CUBN: variants seen among roughly 807,000 people sequenced by gnomAD.
CUBN encodes 460 kDa receptor.
Under a neutral mutation model 405.3 loss-of-function variants are expected in CUBN, and 282 were observed. That is an observed-to-expected ratio of 0.70 (90% CI 0.63 to 0.77). CUBN has a LOEUF of 0.77. Ranked by LOEUF, CUBN falls within the 30% of genes least tolerant of loss-of-function variation. The probability of loss-of-function intolerance (pLI) is 0.00; values close to 1 mark genes in which losing one functional copy is unlikely to be tolerated. For missense variants in CUBN, 4,514 were observed against 4,475.2 expected (o/e 1.01, Z -0.25); for synonymous variants, 1,684 against 1,617.0 (o/e 1.04, Z -0.99).
At chr10:17,048,037 G>A (rs1170229576) in intron 22 of CUBN, among the ~76,000 whole-genome samples, 2 of 152,322 alleles carry the variant, frequency 1.3e-5, no homozygotes, top group African/African-American at 2.4e-5. Context: ...ACGGGGTGAA[G>A]AATAAGGGCC....
At chr10:16,978,271 C>T (rs1833155793) in intron 31 of CUBN, among the ~76,000 whole-genome samples, 1 of 152,170 alleles carries the variant, frequency 6.6e-6, no homozygotes, top group Non-Finnish European at 1.5e-5. Flanking sequence ...AAAGGCCCTG[C>T]AGGAAAAAAT....
At chr10:17,072,019 C>G (rs371337059) in intron 17 of CUBN, 48 bp from the exon 18 acceptor site, 116 of 1,494,204 alleles carry the variant, frequency 7.8e-5, no homozygotes, top group African/African-American at 3.2e-4. Flanking sequence ...AAGAAACTTA[C>G]GTCGGCAATG....
Position 17,068,263 on chromosome 10 carries a change from T to C in CUBN, c.2809A>G (p.Thr937Ala). 1 of 1,613,668 alleles carries C rather than the reference T, an allele frequency of 6.2e-7. No homozygotes were observed. The highest frequency in any genetic ancestry group is 8.5e-7 in the Non-Finnish European group (1 of 1,179,638). Reference protein sequence around the residue: ...AEDLACGEILTESTGTIQSPG... With the variant: ...AEDLACGEILAESTGTIQSPG... Reference sequence around the variant, plus strand: ...CTTTGAATGGTCCCTGTTGATTCTGTAAGAATTTCTCCACATGCTGTTGAA... The same window carrying C: ...CTTTGAATGGTCCCTGTTGATTCTGCAAGAATTTCTCCACATGCTGTTGAA... The change falls in exon 21 of 67, where the codon ACA becomes GCA. Residue 937 changes from threonine to alanine, a missense_variant. Coordinates refer to ENST00000377833, the MANE Select transcript of CUBN (RefSeq NM_001081.4).
At chr10:17,099,472 T>G (rs1261122179) in intron 14 of CUBN, among the ~76,000 whole-genome samples, 2 of 152,164 alleles carry the variant, frequency 1.3e-5, no homozygotes, top group African/African-American at 4.8e-5. Context: ...AGACTCATGT[T>G]TTTTAATCCC....
At chr10:16,869,425 A>T (rs1314467233) in intron 59 of CUBN, among the ~76,000 whole-genome samples, 1 of 151,910 alleles carries the variant, frequency 6.6e-6, no homozygotes, top group East Asian at 1.9e-4. Flanking sequence ...TCAACCTCCC[A>T]AAGTGCTGGG....
chr10:16,900,756 AT>A lies in CUBN; in HGVS notation c.8278del (p.Ile2760Ter). The A allele has an allele frequency of 6.2e-7, 1 of 1,614,074 alleles. No individual in the cohort carries two copies. Among genetic ancestry groups the A allele is most frequent in the Non-Finnish European group, 8.5e-7 (1 of 1,179,950 alleles). On this transcript the variant is annotated frameshift_variant, in exon 53 of 67. Coordinates refer to ENST00000377833, the MANE Select transcript of CUBN (RefSeq NM_001081.4). LOFTEE classifies it high-confidence loss of function. ...GTTTGAATTTCCACAGTATTGTCCT[AT>A]GATGGGTGATTCAGGGGACCCACCA... ...RNGGSPESPI[I>X]GQYCGNSNPR...
At chr10:16,908,930 C>T (rs1367048899) in intron 48 of CUBN, among the ~76,000 whole-genome samples, 1 of 139,890 alleles carries the variant, frequency 7.1e-6, no homozygotes, top group East Asian at 2.1e-4. Flanking sequence ...GGCGGGACTG[C>T]GGACTGCAGT....
rs184750323 is a variant in CUBN at position 16,869,740 on chromosome 10, C to A, written c.9350G>T (p.Arg3117Leu). 1 of 1,614,024 alleles carries A rather than the reference C, an allele frequency of 6.2e-7. No homozygotes were observed. Among genetic ancestry groups the A allele is most frequent in the African/African-American group, 1.3e-5 (1 of 75,016 alleles). ...PLLGKFCGSK[R>L]PPNVKSSNNS... is the part of the protein sequence containing the mutation. ...ATTGCTGCTCTTCACATTTGGTGGG[C>A]GCTTGGAACCGCAGAATTTGCCAAG... The change falls in exon 59 of 67, where the codon CGC (arginine) becomes CTC (leucine). Residue 3117 changes from arginine (R) to leucine (L), a missense_variant. Physicochemically the swap from Arg to Leu is moderately radical, Grantham distance 102 (BLOSUM62 -2). Transcript: ENST00000377833.
At chr10:16,882,006 G>A (rs1017895566) in intron 56 of CUBN, among the ~76,000 whole-genome samples, 1 of 152,168 alleles carries the variant, frequency 6.6e-6, no homozygotes, top group African/African-American at 2.4e-5. Flanking sequence ...ATCATTATTG[G>A]AAGAGCCAAT....
chr10:16,967,518 G>C (rs1564452262), intron 31 of CUBN, among the ~76,000 whole-genome samples: 1 of 152,166 alleles, frequency 6.6e-6, no homozygotes, highest in Non-Finnish European at 1.5e-5. Context: ...CTCAGCATTT[G>C]GTTGTTAATA....
At chr10:16,943,863 A>G (rs1842717450) in intron 36 of CUBN, among the ~76,000 whole-genome samples, 1 of 152,218 alleles carries the variant, frequency 6.6e-6, no homozygotes, top group South Asian at 2.1e-4. Context: ...CCAGTGCTAG[A>G]TGGCAGAAAA....
Position 17,071,929 on chromosome 10 carries a change from C to A in CUBN, c.2344G>T (p.Gly782Ter). The change falls in exon 18 of 67, where the codon GGA becomes TGA. Residue 782 changes from glycine (G) to a stop codon, truncating the protein, a stop_gained. Transcript: ENST00000377833. LOFTEE classifies it high-confidence loss of function. ...ETLLGKVCGN[G>*]TISHIKSITN... is the part of the protein sequence containing the mutation. ...ATGGATTTAATGTGAGAGATGGTTC[C>A]GTTGCCACAGACTTTTCCAAGTAAG... 1 of 1,613,016 alleles carries A rather than the reference C, an allele frequency of 6.2e-7. No individual in the cohort carries two copies. The highest frequency in any genetic ancestry group is 8.5e-7 in the Non-Finnish European group (1 of 1,179,586).
rs138659154 is a variant in CUBN at position 16,997,252 on chromosome 10, G to A, written c.4169-6737C>T. On this transcript the variant is annotated intron_variant, in intron 28 of 66. Transcript: ENST00000377833. ...AGATCGAGACCATCCTGGCAAACAT[G>A]GTGAAACCCTGTCTCTATTAAAAAT... Among the ~76,000 whole-genome samples the A allele has an allele frequency of 1.3e-3, 201 of 152,100 alleles. 2 individuals are homozygous for A. The highest frequency in any genetic ancestry group is 4.0e-3 in the African/African-American group (164 of 41,484).
At chr10:17,050,120 A>C (rs899490167) in intron 22 of CUBN, among the ~76,000 whole-genome samples, 3 of 151,812 alleles carry the variant, frequency 2.0e-5, no homozygotes, top group African/African-American at 7.3e-5. Context: ...CAATCCTACG[A>C]CTTCTATTTT....
At chr10:16,938,460 C>G (rs912496405) in intron 38 of CUBN, among the ~76,000 whole-genome samples, 2 of 152,130 alleles carry the variant, frequency 1.3e-5, no homozygotes, top group Non-Finnish European at 2.9e-5. Context: ...ACATATTGGG[C>G]ACCCATCAGG....
chr10:16,839,894 T>G (rs1358479851), intron 62 of CUBN, among the ~76,000 whole-genome samples: 1 of 151,934 alleles, frequency 6.6e-6, no homozygotes, highest in Admixed American at 6.6e-5. Flanking sequence ...CCATAAAAAA[T>G]GATGAGGTCA....
chr10:16,876,162 A>G (rs1293567258), intron 57 of CUBN, among the ~76,000 whole-genome samples: 1 of 152,236 alleles, frequency 6.6e-6, no homozygotes, highest in Admixed American at 6.5e-5. Context: ...TGGTGGAGCA[A>G]AGATGAAATA....
At chr10:17,046,221 C>T in intron 23 of CUBN, 127 bp from the exon 24 acceptor site, 2 of 794,508 alleles carry the variant, frequency 2.5e-6, no homozygotes, top group Admixed American at 2.3e-5. Context: ...TTCTCTCAAA[C>T]ACTACACTTA....
At chr10:16,988,137 C>G (rs1048195633) in intron 29 of CUBN, among the ~76,000 whole-genome samples, 3 of 152,186 alleles carry the variant, frequency 2.0e-5, no homozygotes, top group Non-Finnish European at 4.4e-5. Context: ...ATGGGTATGA[C>G]ACAACCCGAA....
Sources: allele counts gnomAD v4.1 joint callset (sites outside exome capture counted in the v4.1 genomes callset), GRCh38; gene constraint gnomAD v4.1.1; transcripts MANE v1.5; gene names NCBI Gene and HGNC (gene_info 2026-07-23, HGNC 2026-07-21).